HSD3B2: variants seen among roughly 807,000 people sequenced by gnomAD.
The protein encoded by HSD3B2 is 3 beta-hydroxysteroid dehydrogenase/Delta 5-->4-isomerase type 2.
Under a neutral mutation model 9.9 loss-of-function variants are expected in HSD3B2, and 8 were observed. The observed-to-expected ratio is 0.81, with a 90% CI of 0.47 to 1.46. The LOEUF (loss-of-function observed/expected upper bound fraction) is 1.46, where lower values mean the gene tolerates loss of function less well. Among genes scored for constraint, HSD3B2 ranks in the 40% most tolerant of loss-of-function variants. The pLI is 0.00. For missense variants in HSD3B2, 410 were observed against 448.3 expected (o/e 0.91, Z 0.77); for synonymous variants, 221 against 184.5 (o/e 1.20, Z -1.60).
chr1:119,422,418 C>T lies in HSD3B2; in HGVS notation c.917C>T (p.Pro306Leu). 6.2e-7 allele frequency: 1 copy of T among 1,614,086 alleles called. No homozygotes were observed. Residue 306 changes from proline (P) to leucine (L), a missense_variant, in exon 4 of 4, where the codon CCA becomes CTA. Physicochemically the swap from Pro to Leu is moderately conservative, Grantham distance 98 (BLOSUM62 -3). Transcript: ENST00000369416. ...GAAGTAGTGAGCTTCCTACTCAGCC[C>T]AATTTACTCCTATCAACCCCCCTTC... ...LLEVVSFLLS[P>L]IYSYQPPFNR...
Position 119,419,953 on chromosome 1 carries a change from G to A in HSD3B2, c.307+371G>A, listed in dbSNP as rs587664541. On this transcript the variant is annotated intron_variant, in intron 3 of 3. Coordinates refer to ENST00000369416, the MANE Select transcript of HSD3B2 (RefSeq NM_000198.4). ...ATATCCAGCTACTCCTTGGCTCCCC[G>A]GGCCAGAATCAGACCTTCCAGGTGC... 2.7e-5 allele frequency: 9 copies of A among 327,482 alleles called. No individual in the cohort carries two copies. In the East Asian group the frequency reaches 3.1e-4, roughly 11 times the overall value. 20.3% of individuals were successfully genotyped at this position (327,482 alleles called of 1,614,324 possible).
chr1:119,422,567 G>T lies in HSD3B2; in HGVS notation c.1066G>T (p.Val356Phe). 1 of 1,614,090 alleles carries T rather than the reference G, an allele frequency of 6.2e-7. No homozygotes were observed. The highest frequency in any genetic ancestry group is 1.1e-5 in the South Asian group (1 of 91,078). ...AGCCAAGCAGAAAACCGTGGAGTGGGTTGGTTCCCTTGTGGACCGGCACAA... is the reference window on the plus strand; with the variant it reads ...AGCCAAGCAGAAAACCGTGGAGTGGTTTGGTTCCCTTGTGGACCGGCACAA... ...EEAKQKTVEW[V>F]GSLVDRHKET... is the part of the protein sequence containing the mutation. The change falls in exon 4 of 4, where the codon GTT (valine) becomes TTT (phenylalanine). Residue 356 changes from valine to phenylalanine, a missense_variant. Coordinates refer to ENST00000369416, the MANE Select transcript of HSD3B2 (RefSeq NM_000198.4).
At chr1:119,418,853 T>G (rs995301472) in intron 2 of HSD3B2, among the ~76,000 whole-genome samples, 7 of 151,928 alleles carry the variant, frequency 4.6e-5, no homozygotes, top group African/African-American at 1.7e-4. Context: ...GGTTTTGCCA[T>G]GTTTTCCAGC....
chr1:119,421,806 C>T lies in HSD3B2; in HGVS notation c.308-3C>T. 1.2e-6 allele frequency: 2 copies of T among 1,613,542 alleles called. No individual in the cohort carries two copies. The highest frequency in any genetic ancestry group is 1.7e-5 in the Admixed American group (1 of 59,976). ...ACACTGTCATCATGCTCTTCGTGGG[C>T]AGGTACCCAGCTACTGTTGGAGGCC... is the stretch of plus-strand genomic sequence containing the variant. On this transcript the variant is annotated splice_polypyrimidine_tract_variant and splice_region_variant and intron_variant, in intron 3 of 3. Transcript: ENST00000369416.
intron 3 of HSD3B2, among the ~76,000 whole-genome samples, chr1:119,420,302 G>C (rs1454221979): frequency 6.6e-6 from 1 of 151,952 alleles, no homozygotes; most frequent in Non-Finnish European, 1.5e-5. Flanking sequence ...GATTCCCAGA[G>C]CCCAGTCTCT....
chr1:119,421,695 G>T (rs1483902568), intron 3 of HSD3B2, 114 bp from the exon 4 acceptor site: 2 of 1,184,758 alleles, frequency 1.7e-6, no homozygotes, highest in Non-Finnish European at 2.5e-6. Context: ...TGCACCCTGA[G>T]TCTGTTATAA....
In HSD3B2 at chr1:119,422,172, A is replaced by G. The variant is rs150525350; in HGVS notation, c.671A>G (p.Tyr224Cys). Reference protein sequence around the residue: ...VGKFSTVNPVYVGNVAWAHIL... With the variant: ...VGKFSTVNPVCVGNVAWAHIL... ...AAGTTCTCTACAGTCAACCCAGTCT[A>G]TGTTGGCAACGTGGCCTGGGCCCAC... Residue 224 changes from tyrosine (Y) to cysteine (C), a missense_variant, in exon 4 of 4, where the codon TAT becomes TGT. Coordinates refer to ENST00000369416, the MANE Select transcript of HSD3B2 (RefSeq NM_000198.4). The G allele has an allele frequency of 2.5e-6, 4 of 1,613,966 alleles. No homozygotes were observed. The highest frequency in any genetic ancestry group is 1.3e-5 in the African/African-American group (1 of 74,906).
In HSD3B2 at chr1:119,422,781, C is replaced by T. The variant is rs1467810982; in HGVS notation, c.*161C>T. On this transcript the variant is annotated 3_prime_UTR_variant, in exon 4 of 4. Transcript: ENST00000369416. ...ACTGTCTTCTTCATGTCATCAAAAT[C>T]TGCACAGTCACTGGCCCAACCAGAA... 2.4e-6 allele frequency: 2 copies of T among 846,914 alleles called. No individual in the cohort carries two copies. Among genetic ancestry groups the T allele is most frequent in the East Asian group, 5.3e-5 (2 of 37,794 alleles). The allele number at this position is 846,914 out of a possible 1,614,324, so 52.5% of individuals were successfully genotyped here.
In HSD3B2 at chr1:119,422,795, G is replaced by A. The variant is rs1651932380; in HGVS notation, c.*175G>A. On this transcript the variant is annotated 3_prime_UTR_variant, in exon 4 of 4. Coordinates refer to ENST00000369416, the MANE Select transcript of HSD3B2 (RefSeq NM_000198.4). The stretch of plus-strand genomic sequence containing the variant: ...GTCATCAAAATCTGCACAGTCACTG[G>A]CCCAACCAGAACTTTCTGTCCTAAT... 2.7e-6 allele frequency: 2 copies of A among 746,882 alleles called. No individual in the cohort carries two copies. Among genetic ancestry groups the A allele is most frequent in the Middle Eastern group, 3.8e-4 (1 of 2,612 alleles). The allele number at this position is 746,882 out of a possible 1,614,324, so 46.3% of individuals were successfully genotyped here. A position where few individuals can be genotyped will look rare whatever the true frequency, so the allele number is the denominator to read the frequency against.
At chr1:119,421,465 G>GTATATATATGTA (rs1651868927) in intron 3 of HSD3B2, among the ~76,000 whole-genome samples, 2 of 4,920 alleles carry the variant, frequency 4.1e-4, no homozygotes, top group East Asian at 8.1e-3. Flanking sequence ...ATATATATAT[G>GTATATATATGTA]TATATATATA....
chr1:119,421,991 G>T lies in HSD3B2; in HGVS notation c.490G>T (p.Ala164Ser). 1 of 1,614,098 alleles carries T rather than the reference G, an allele frequency of 6.2e-7. No homozygotes were observed. The highest frequency in any genetic ancestry group is 1.1e-5 in the South Asian group (1 of 91,072). Residue 164 changes from alanine to serine, a missense_variant, in exon 4 of 4, where the codon GCT becomes TCT. Ala to Ser is a moderately conservative substitution (Grantham distance 99). Transcript: ENST00000369416. ...YPYSKKLAEKAVLAANGWNLK... is the reference protein window; with the variant it reads ...YPYSKKLAEKSVLAANGWNLK... ...GTACAGCAAAAAGCTTGCTGAGAAG[G>T]CTGTGCTGGCGGCTAATGGGTGGAA...
At chr1:119,418,395 C>A (rs780612978) in intron 2 of HSD3B2, among the ~76,000 whole-genome samples, 1 of 152,062 alleles carries the variant, frequency 6.6e-6, no homozygotes, top group African/African-American at 2.4e-5. Flanking sequence ...CAGTAGGTAC[C>A]AGGACCTTCA....
In HSD3B2 at chr1:119,415,538, C is replaced by A; in HGVS notation, c.119C>A (p.Pro40Gln). Residue 40 changes from proline (P) to glutamine (Q), a missense_variant, in exon 2 of 4, where the codon CCA (proline) becomes CAA (glutamine). Coordinates refer to ENST00000369416, the MANE Select transcript of HSD3B2 (RefSeq NM_000198.4). Reference protein sequence around the residue: ...EIRALDKAFRPELREEFSKLQ... With the variant: ...EIRALDKAFRQELREEFSKLQ... ...AGGGCCTTGGACAAGGCCTTCAGAC[C>A]AGAATTGAGAGAGGAATTTTCTAGT... 5.0e-6 allele frequency: 8 copies of A among 1,613,824 alleles called. No homozygotes were observed. The highest frequency in any genetic ancestry group is 6.8e-6 in the Non-Finnish European group (8 of 1,179,834).
chr1:119,415,291 C>T, intron 1 of HSD3B2, 40 bp from the exon 2 acceptor site: 1 of 917,172 alleles, frequency 1.1e-6, no homozygotes, highest in Non-Finnish European at 1.8e-6. Flanking sequence ...GAAAATAAGG[C>T]ATCTGCTGAG....
chr1:119,416,317 A>T (rs1240865644), intron 2 of HSD3B2, among the ~76,000 whole-genome samples: 5 of 152,042 alleles, frequency 3.3e-5, no homozygotes, highest in African/African-American at 1.2e-4. Context: ...AGCCTTTTTA[A>T]AAAAAAACCA....
chr1:119,419,659 G>T (rs1337180647), intron 3 of HSD3B2, 77 bp downstream of exon 3: 2 of 1,404,936 alleles, frequency 1.4e-6, no homozygotes, highest in Non-Finnish European at 2.0e-6. Context: ...GGGAAGAGAA[G>T]TCACTCCATT....
chr1:119,415,698 G>A (rs587629644), intron 2 of HSD3B2, 137 bp downstream of exon 2: 2 of 942,570 alleles, frequency 2.1e-6, no homozygotes, highest in Non-Finnish European at 3.4e-6. Context: ...CATCAGAAAG[G>A]AAATAGAATA....
intron 3 of HSD3B2, chr1:119,419,900 T>G (rs1325999437): frequency 8.3e-6 from 3 of 359,982 alleles, no homozygotes; most frequent in Non-Finnish European, 1.6e-5. Flanking sequence ...CAATCAAAAG[T>G]CAACTAAACT....
At chr1:119,416,062 TCAGA>T (rs1367468172) in intron 2 of HSD3B2, among the ~76,000 whole-genome samples, 1 of 151,868 alleles carries the variant, frequency 6.6e-6, no homozygotes, top group Non-Finnish European at 1.5e-5. Flanking sequence ...TGTGTGTGTG[TCAGA>T]CAGAGAAAGA....
Sources: allele counts gnomAD v4.1 joint callset (sites outside exome capture counted in the v4.1 genomes callset), GRCh38; gene constraint gnomAD v4.1.1; transcripts MANE v1.5; gene names NCBI Gene and HGNC (gene_info 2026-07-23, HGNC 2026-07-21).